RAPGEF2: variants seen among roughly 807,000 people sequenced by gnomAD.
RAPGEF2 encodes PDZ domain containing guanine nucleotide exchange factor (GEF) 1.
In RAPGEF2, 54 loss-of-function variants were observed where a neutral mutation model predicts 186.7. That is an observed-to-expected ratio of 0.29 (90% CI 0.23 to 0.36). RAPGEF2 has a LOEUF of 0.36. Ranked by LOEUF, RAPGEF2 falls within the 10% of genes least tolerant of loss-of-function variation. The pLI is 1.00. For synonymous variants in RAPGEF2, 712 were observed against 705.9 expected, an observed-to-expected ratio of 1.01 and a Z score of -0.14; for missense variants, 1,532 against 2,045.0, an observed-to-expected ratio of 0.75 and a Z score of 4.84.
chr4:159,104,050 T>A lies in RAPGEF2; in HGVS notation c.-113T>A, dbSNP rs1191192739. 1 of 457,492 alleles carries A rather than the reference T, an allele frequency of 2.2e-6. No homozygotes were observed. Among genetic ancestry groups the A allele is most frequent in the East Asian group, 9.9e-5 (1 of 10,056 alleles). 28.3% of individuals were successfully genotyped at this position (457,492 alleles called of 1,614,324 possible). On this transcript the variant is annotated 5_prime_UTR_variant, in exon 1 of 30. Transcript: ENST00000691494. ...CCGCCGCCGCCGCGGTTTGGCTGATTAGTCGCGGGCGGGCGGGCGGGCGCA... is the reference window on the plus strand; with the variant it reads ...CCGCCGCCGCCGCGGTTTGGCTGATAAGTCGCGGGCGGGCGGGCGGGCGCA...
chr4:159,343,460 C>T, intron 22 of RAPGEF2, 56 bp downstream of exon 22: 2 of 1,578,146 alleles, frequency 1.3e-6, no homozygotes, highest in South Asian at 1.1e-5. Flanking sequence ...AAATTTAGAG[C>T]TTCCCAATAA....
At chr4:159,322,247 T>A in intron 9 of RAPGEF2, 100 bp from the exon 10 acceptor site, 1 of 1,091,690 alleles carries the variant, frequency 9.2e-7, no homozygotes, top group Non-Finnish European at 1.3e-6. Flanking sequence ...TAAGCAAAAT[T>A]GTAGGGCATT....
At chr4:159,357,772 A>G (rs1732241865) in intron 29 of RAPGEF2, among the ~76,000 whole-genome samples, 1 of 152,226 alleles carries the variant, frequency 6.6e-6, no homozygotes, top group Admixed American at 6.5e-5. Context: ...ATGTTGTTAT[A>G]TATTCTAGAC....
chr4:159,235,958 C>G (rs1753210243), intron 4 of RAPGEF2, among the ~76,000 whole-genome samples: 1 of 152,170 alleles, frequency 6.6e-6, no homozygotes, highest in African/African-American at 2.4e-5. Flanking sequence ...TGTCACTGAT[C>G]AGGCCTAGCG....
intron 5 of RAPGEF2, among the ~76,000 whole-genome samples, chr4:159,240,617 G>A (rs1416288773): frequency 1.3e-5 from 2 of 151,966 alleles, no homozygotes; most frequent in African/African-American, 2.4e-5. Flanking sequence ...ACAGGCGTGA[G>A]CAACTGTGCC....
chr4:159,318,828 G>C (rs1764906788), intron 9 of RAPGEF2, among the ~76,000 whole-genome samples: 1 of 151,944 alleles, frequency 6.6e-6, no homozygotes, highest in South Asian at 2.1e-4. Flanking sequence ...TTTCTGAATT[G>C]GCTTCGGCTT....
intron 2 of RAPGEF2, among the ~76,000 whole-genome samples, chr4:159,189,527 T>C (rs1184611580): frequency 2.0e-5 from 3 of 152,180 alleles, no homozygotes; most frequent in Non-Finnish European, 4.4e-5. Context: ...AGTAGAGTAA[T>C]TGGGGCTATT....
At chr4:159,262,642 G>C (rs546380379) in intron 7 of RAPGEF2, among the ~76,000 whole-genome samples, 1 of 152,260 alleles carries the variant, frequency 6.6e-6, no homozygotes. Context: ...GGACTTACAG[G>C]CTTCTTTGTT....
intron 1 of RAPGEF2, among the ~76,000 whole-genome samples, chr4:159,133,867 G>C (rs1354554326): frequency 6.6e-6 from 1 of 152,118 alleles, no homozygotes; most frequent in Non-Finnish European, 1.5e-5. Context: ...ACAGGCGTGA[G>C]CCACCGCGCC....
At position 159,117,584 on chromosome 4, in the gene RAPGEF2, T is replaced by A. The variant is rs532476064; in HGVS notation, c.69+13353T>A. 2.8e-3 allele frequency among the ~76,000 whole-genome samples: 408 copies of A among 144,128 alleles called. 1 individual carries two copies. Among genetic ancestry groups the A allele is most frequent in the African/African-American group, 1.0e-2 (381 of 38,106 alleles). 94.6% of individuals were successfully genotyped at this position (144,128 alleles called of 152,430 possible). Reference sequence around the variant, plus strand: ...CTTTATATATTCTGCGATGGTTGGGTTTTTTTTTTTTCGTAGTTACAAATT... The same window carrying A: ...CTTTATATATTCTGCGATGGTTGGGATTTTTTTTTTTCGTAGTTACAAATT... On this transcript the variant is annotated intron_variant, in intron 1 of 29. Coordinates refer to ENST00000691494, the MANE Select transcript of RAPGEF2 (RefSeq NM_001394067.2).
chr4:159,233,598 A>C (rs1484179424), intron 4 of RAPGEF2, among the ~76,000 whole-genome samples: 1 of 152,144 alleles, frequency 6.6e-6, no homozygotes, highest in African/African-American at 2.4e-5. Flanking sequence ...TAATAATGAC[A>C]CAATGGACTT....
At position 159,104,050 on chromosome 4, in the gene RAPGEF2, TA is replaced by T; in HGVS notation, c.-112del. 2.2e-6 allele frequency: 1 copy of T among 457,600 alleles called. No individual in the cohort carries two copies. The highest frequency in any genetic ancestry group is 2.1e-5 in the African/African-American group (1 of 46,908). The allele number at this position is 457,600 out of a possible 1,614,324, so 28.3% of individuals were successfully genotyped here. On this transcript the variant is annotated 5_prime_UTR_variant, in exon 1 of 30. Coordinates refer to ENST00000691494, the MANE Select transcript of RAPGEF2 (RefSeq NM_001394067.2). ...CCGCCGCCGCCGCGGTTTGGCTGAT[TA>T]GTCGCGGGCGGGCGGGCGGGCGCAG...
intron 7 of RAPGEF2, among the ~76,000 whole-genome samples, chr4:159,251,263 T>A (rs1388504052): frequency 6.6e-6 from 1 of 152,192 alleles, no homozygotes; most frequent in Non-Finnish European, 1.5e-5. Flanking sequence ...ACGGGCGCCG[T>A]CCCTTGCTCT....
intron 3 of RAPGEF2, among the ~76,000 whole-genome samples, chr4:159,195,444 G>A (rs1231386884): frequency 1.3e-5 from 2 of 152,130 alleles, no homozygotes; most frequent in Admixed American, 6.6e-5. Flanking sequence ...CATTTAACAC[G>A]CACTTCCTAT....
Position 159,136,437 on chromosome 4 carries a change from G to C in RAPGEF2, c.69+32206G>C, listed in dbSNP as rs565920318. 1.6e-3 allele frequency among the ~76,000 whole-genome samples: 250 copies of C among 152,136 alleles called. 2 individuals carry two copies. The highest frequency in any genetic ancestry group is 3.2e-3 in the Non-Finnish European group (216 of 68,018). On this transcript the variant is annotated intron_variant, in intron 1 of 29. Coordinates refer to ENST00000691494, the MANE Select transcript of RAPGEF2 (RefSeq NM_001394067.2). ...AGTGGGTGTTGCTGGTGGTGGTAGT[G>C]ATTAGGAGTTTAGCTTTAGAACAAG... is the stretch of plus-strand genomic sequence containing the variant.
chr4:159,168,334 G>A (rs1158071304), intron 1 of RAPGEF2, among the ~76,000 whole-genome samples: 1 of 152,100 alleles, frequency 6.6e-6, no homozygotes, highest in Non-Finnish European at 1.5e-5. Flanking sequence ...GTATTTCCAG[G>A]TATTCTTGAA....
chr4:159,355,891 C>A lies in RAPGEF2; in HGVS notation c.4690C>A (p.Pro1564Thr). 1 of 1,549,994 alleles carries A rather than the reference C, an allele frequency of 6.5e-7. No individual in the cohort carries two copies. The highest frequency in any genetic ancestry group is 8.7e-7 in the Non-Finnish European group (1 of 1,144,814). ...CAGGTATCGAGAGCCCCCGCCCACC[C>A]CTCCCGGCTACATTGGAATTCCCAT... ...EGRYREPPPT[P>T]PGYIGIPITD... Residue 1564 changes from proline (P) to threonine (T), a missense_variant, in exon 29 of 30, where the codon CCT (proline) becomes ACT (threonine). Transcript: ENST00000691494.
At chr4:159,114,002 G>A (rs1196159255) in intron 1 of RAPGEF2, among the ~76,000 whole-genome samples, 1 of 151,956 alleles carries the variant, frequency 6.6e-6, no homozygotes, top group African/African-American at 2.4e-5. Context: ...TGTCACCCAG[G>A]CTGGAGTGCA....
chr4:159,149,321 C>A (rs1392645299), intron 1 of RAPGEF2, among the ~76,000 whole-genome samples: 1 of 152,110 alleles, frequency 6.6e-6, no homozygotes, highest in East Asian at 1.9e-4. Flanking sequence ...AGTGCAGTGG[C>A]GTGATCTTGG....
Sources: allele counts gnomAD v4.1 joint callset (sites outside exome capture counted in the v4.1 genomes callset), GRCh38; gene constraint gnomAD v4.1.1; transcripts MANE v1.5; gene names NCBI Gene and HGNC (gene_info 2026-07-23, HGNC 2026-07-21).